The following ADAM10 variants were observed in gnomAD, a reference collection of about 807,000 sequenced individuals.
The protein encoded by ADAM10 is disintegrin and metalloproteinase domain-containing protein 10.
Under a neutral mutation model 90.1 loss-of-function variants are expected in ADAM10, and 17 were observed. The ratio of observed to expected loss-of-function variants is 0.19; its 90% CI spans 0.13 to 0.28. The LOEUF (loss-of-function observed/expected upper bound fraction) is 0.28, where lower values mean the gene tolerates loss of function less well. Ranked by LOEUF, ADAM10 falls within the 10% of genes least tolerant of loss-of-function variation. The probability of loss-of-function intolerance (pLI) is 1.00; values close to 1 mark genes in which losing one functional copy is unlikely to be tolerated. For missense variants in ADAM10, 610 were observed against 914.3 expected, an observed-to-expected ratio of 0.67 and a Z score of 4.29; for synonymous variants, 310 against 298.6, an observed-to-expected ratio of 1.04 and a Z score of -0.40.
At chr15:58,633,695 A>G (rs1896164984) in intron 8 of ADAM10, among the ~76,000 whole-genome samples, 3 of 152,216 alleles carry the variant, frequency 2.0e-5, no homozygotes, top group Admixed American at 6.5e-5. Context: ...CAGTATTTAC[A>G]CTAAGTCAAA....
intron 4 of ADAM10, among the ~76,000 whole-genome samples, chr15:58,677,831 T>C (rs1391530575): frequency 6.6e-6 from 1 of 152,120 alleles, no homozygotes; most frequent in Non-Finnish European, 1.5e-5. Context: ...CACAGACAAA[T>C]GATACTTGCA....
rs555830481 is a variant in ADAM10, at chr15:58,657,043, T to C, written c.585+8054A>G. On this transcript the variant is annotated intron_variant, in intron 5 of 15. Coordinates refer to ENST00000260408, the MANE Select transcript of ADAM10 (RefSeq NM_001110.4). ...TCTCTCCTGGCCTGTAAAATTTCTA[T>C]TGAAAAGTCTTCTGCCAAATTTATC... Among the ~76,000 whole-genome samples, 112 of 152,368 alleles carry C rather than the reference T, an allele frequency of 7.4e-4. 1 individual carries two copies. Among genetic ancestry groups the C allele is most frequent in the Non-Finnish European group, 1.2e-4 (8 of 68,028 alleles).
intron 14 of ADAM10, among the ~76,000 whole-genome samples, chr15:58,602,001 T>C (rs1176824876): frequency 6.6e-6 from 1 of 152,228 alleles, no homozygotes; most frequent in African/African-American, 2.4e-5. Context: ...TAAGGTGTTA[T>C]CTGCCAAATT....
chr15:58,654,771 T>C (rs1483019210), intron 5 of ADAM10, among the ~76,000 whole-genome samples: 1 of 152,226 alleles, frequency 6.6e-6, no homozygotes, highest in African/African-American at 2.4e-5. Context: ...CAGGAGCATA[T>C]TGTTTACTTT....
At chr15:58,676,864 T>C (rs1897313311) in intron 4 of ADAM10, among the ~76,000 whole-genome samples, 1 of 152,162 alleles carries the variant, frequency 6.6e-6, no homozygotes, top group African/African-American at 2.4e-5. Context: ...AAAGCACCCA[T>C]GCTTATTTAT....
At chr15:58,615,690 G>T (rs1895588111) in intron 11 of ADAM10, among the ~76,000 whole-genome samples, 1 of 152,134 alleles carries the variant, frequency 6.6e-6, no homozygotes, top group South Asian at 2.1e-4. Context: ...ACCTGTATCA[G>T]ATAAAACAGA....
chr15:58,749,598 G>T lies in ADAM10; in HGVS notation c.-64C>A. 6.5e-7 allele frequency: 1 copy of T among 1,547,400 alleles called. No individual in the cohort carries two copies. Among genetic ancestry groups the T allele is most frequent in the Non-Finnish European group, 8.7e-7 (1 of 1,144,832 alleles). On this transcript the variant is annotated 5_prime_UTR_variant, in exon 1 of 16. Coordinates refer to ENST00000260408, the MANE Select transcript of ADAM10 (RefSeq NM_001110.4). ...GTTAACAGCAGCACATCGATCCGGA[G>T]GGAGAAGCTGAAGGGGCTTGGTCCG...
intron 2 of ADAM10, among the ~76,000 whole-genome samples, chr15:58,694,979 T>A (rs1451416529): frequency 6.6e-6 from 1 of 152,212 alleles, no homozygotes; most frequent in Admixed American, 6.5e-5. Context: ...TGCCTAAGTA[T>A]ATACATTTGC....
At chr15:58,681,970 T>C (rs1313548289) in intron 3 of ADAM10, among the ~76,000 whole-genome samples, 3 of 152,188 alleles carry the variant, frequency 2.0e-5, no homozygotes, top group African/African-American at 7.2e-5. Flanking sequence ...TGAGTCAAAA[T>C]TTCACCCCTT....
intron 1 of ADAM10, among the ~76,000 whole-genome samples, chr15:58,740,632 T>C (rs1445756660): frequency 6.6e-6 from 1 of 152,156 alleles, no homozygotes; most frequent in Non-Finnish European, 1.5e-5. Flanking sequence ...CTCAGACTCC[T>C]GGCCTAAACT....
intron 11 of ADAM10, among the ~76,000 whole-genome samples, chr15:58,612,556 T>C (rs8025475): frequency 0.074 from 11,289 of 152,152 alleles, 1,423 homozygotes; most frequent in African/African-American, 0.26. Context: ...TCTGAGGTAC[T>C]TGCTGTTGCT....
chr15:58,642,452 G>A (rs1206852817), intron 7 of ADAM10, among the ~76,000 whole-genome samples: 3 of 150,780 alleles, frequency 2.0e-5, no homozygotes, highest in African/African-American at 7.3e-5. Context: ...GCGACAGAGT[G>A]AGACTCCTTC....
chr15:58,744,176 A>C (rs1166510049), intron 1 of ADAM10, among the ~76,000 whole-genome samples: 1 of 151,872 alleles, frequency 6.6e-6, no homozygotes, highest in Non-Finnish European at 1.5e-5. Flanking sequence ...CCAACTGTTT[A>C]GAAAGTTACG....
intron 4 of ADAM10, among the ~76,000 whole-genome samples, chr15:58,671,838 T>G (rs891769030): frequency 6.6e-6 from 1 of 152,140 alleles, no homozygotes; most frequent in East Asian, 1.9e-4. Context: ...ACTGTCATTG[T>G]CTCTATTGTC....
At chr15:58,621,783 A>AG (rs1242107227) in intron 10 of ADAM10, among the ~76,000 whole-genome samples, 162 bp from the exon 11 acceptor site, 1 of 152,228 alleles carries the variant, frequency 6.6e-6, no homozygotes, top group Non-Finnish European at 1.5e-5. Flanking sequence ...TAATTCTAAC[A>AG]GGGGGTCTGC....
chr15:58,719,273 G>A (rs1241591341), intron 1 of ADAM10, among the ~76,000 whole-genome samples: 1 of 151,994 alleles, frequency 6.6e-6, no homozygotes, highest in Non-Finnish European at 1.5e-5. Context: ...GTAGTGAGCC[G>A]AGATCATGCC....
At chr15:58,680,121 T>A (rs190272983) in intron 3 of ADAM10, among the ~76,000 whole-genome samples, 2 of 152,084 alleles carry the variant, frequency 1.3e-5, no homozygotes, top group Non-Finnish European at 2.9e-5. Context: ...TTGTTTTGTG[T>A]TTTGTTTTGT....
intron 1 of ADAM10, chr15:58,733,214 T>G (rs1320588424): frequency 2.0e-5 from 3 of 152,248 alleles, no homozygotes; most frequent in Admixed American, 1.3e-4. Flanking sequence ...GACAGTGACC[T>G]CTGAATGTGA....
intron 6 of ADAM10, among the ~76,000 whole-genome samples, chr15:58,644,784 G>GTT (rs1176712728): frequency 1.3e-5 from 2 of 152,114 alleles, no homozygotes; most frequent in African/African-American, 4.8e-5. Context: ...TCTTGGCACT[G>GTT]TTTTAGGCAC....
Sources: gnomAD v4.1 joint callset for allele counts (sites outside exome capture counted in the v4.1 genomes callset) on GRCh38, gnomAD v4.1.1 for gene constraint, MANE v1.5 for transcripts, NCBI Gene and HGNC (gene_info 2026-07-23, HGNC 2026-07-21) for gene names.